RAC1: variants seen among roughly 807,000 people sequenced by gnomAD.
RAC1 encodes Rac family small GTPase 1, also known as ras-related C3 botulinum toxin substrate 1.
Under a neutral mutation model 25.2 loss-of-function variants are expected in RAC1, and 2 were observed. That is an observed-to-expected ratio of 0.08 (90% CI 0.03 to 0.25). The LOEUF is 0.25. Among genes scored for constraint, RAC1 ranks in the 10% least tolerant of loss-of-function variants. The pLI is 1.00. For synonymous variants in RAC1, 88 were observed against 94.0 expected (o/e 0.94, Z 0.37); for missense variants, 50 against 235.7 (o/e 0.21, Z 5.16).
At chr7:6,377,603 A>G (rs1394229275) in intron 1 of RAC1, among the ~76,000 whole-genome samples, 1 of 151,866 alleles carries the variant, frequency 6.6e-6, no homozygotes, top group African/African-American at 2.4e-5. Context: ...TCAAAAAAGC[A>G]AAAACAAAAA....
At position 6,403,402 on chromosome 7, in the gene RAC1, A is replaced by C. The variant is rs1321505488; in HGVS notation, c.*956A>C. 1.4e-5 allele frequency: 3 copies of C among 213,202 alleles called. No individual in the cohort carries two copies. The highest frequency in any genetic ancestry group is 2.3e-5 in the African/African-American group (1 of 44,162). The allele number at this position is 213,202 out of a possible 1,614,324, so 13.2% of individuals were successfully genotyped here. On this transcript the variant is annotated 3_prime_UTR_variant, in exon 6 of 6. Coordinates refer to ENST00000348035, the MANE Select transcript of RAC1 (RefSeq NM_006908.5). Reference sequence around the variant, plus strand: ...TGTTCTGTTAGTCGCTAACTTAGTAAGTGCTTTTCTTATAGAACCCCTTCT... The same window carrying C: ...TGTTCTGTTAGTCGCTAACTTAGTACGTGCTTTTCTTATAGAACCCCTTCT...
At chr7:6,388,851 G>C (rs1783000155) in intron 2 of RAC1, among the ~76,000 whole-genome samples, 1 of 152,126 alleles carries the variant, frequency 6.6e-6, no homozygotes, top group East Asian at 1.9e-4. Flanking sequence ...GTGTACACTT[G>C]ATAGATTATT....
intron 2 of RAC1, 103 bp downstream of exon 2, chr7:6,387,386 G>T: frequency 1.2e-6 from 1 of 812,286 alleles, no homozygotes; most frequent in Non-Finnish European, 2.0e-6. Context: ...CATATGAACA[G>T]ATACTAATTT....
intron 2 of RAC1, among the ~76,000 whole-genome samples, chr7:6,388,521 C>T (rs1257268833): frequency 2.0e-5 from 3 of 151,492 alleles, no homozygotes; most frequent in Admixed American, 6.6e-5. Flanking sequence ...ATTTTTGTTT[C>T]TTTAGTAGAG....
chr7:6,377,769 G>T (rs1480954166), intron 1 of RAC1, among the ~76,000 whole-genome samples: 1 of 152,060 alleles, frequency 6.6e-6, no homozygotes, highest in Non-Finnish European at 1.5e-5. Context: ...AGAAAAATTA[G>T]CTGGGCACGC....
At chr7:6,390,632 C>T (rs1783067357) in intron 2 of RAC1, among the ~76,000 whole-genome samples, 1 of 150,142 alleles carries the variant, frequency 6.7e-6, no homozygotes, top group South Asian at 2.1e-4. Flanking sequence ...ATAATACCAC[C>T]TCTCCCTCAG....
chr7:6,386,192 G>A (rs562171362), intron 1 of RAC1, among the ~76,000 whole-genome samples: 3 of 152,152 alleles, frequency 2.0e-5, no homozygotes, highest in Non-Finnish European at 2.9e-5. Flanking sequence ...AACTCCCATC[G>A]TCTCTGAGCT....
intron 3 of RAC1, among the ~76,000 whole-genome samples, chr7:6,399,513 G>A (rs1783339493): frequency 6.6e-6 from 1 of 152,238 alleles, no homozygotes; most frequent in African/African-American, 2.4e-5. Flanking sequence ...CACCCTTTGC[G>A]CCTCTGCGTC....
chr7:6,402,174 C>A, intron 5 of RAC1, 142 bp from the exon 6 acceptor site: 1 of 1,450,804 alleles, frequency 6.9e-7, no homozygotes, highest in Non-Finnish European at 9.3e-7. Flanking sequence ...CCCTGTGGGT[C>A]TTAACGTCAG....
At position 6,403,820 on chromosome 7, in the gene RAC1, G is replaced by A. The variant is rs1026221013; in HGVS notation, c.*1374G>A. The A allele has an allele frequency of 2.3e-5, 5 of 219,360 alleles. No homozygotes were observed. The highest frequency in any genetic ancestry group is 3.7e-5 in the Non-Finnish European group (4 of 109,084). 13.6% of individuals were successfully genotyped at this position (219,360 alleles called of 1,614,324 possible). A position where few individuals can be genotyped will look rare whatever the true frequency, so the allele number is the denominator to read the frequency against. Reference sequence around the variant, plus strand: ...GTTCTGTACAACTTAACTCACTGGCGAGAATACAGCGTGGGACCCTTCAGC... The same window carrying A: ...GTTCTGTACAACTTAACTCACTGGCAAGAATACAGCGTGGGACCCTTCAGC... On this transcript the variant is annotated 3_prime_UTR_variant, in exon 6 of 6. Coordinates refer to ENST00000348035, the MANE Select transcript of RAC1 (RefSeq NM_006908.5).
intron 1 of RAC1, among the ~76,000 whole-genome samples, chr7:6,376,939 T>C (rs772716468): frequency 5.3e-5 from 8 of 152,034 alleles, no homozygotes; most frequent in Non-Finnish European, 7.4e-5. Flanking sequence ...ACTTGTTGAA[T>C]GTCATGGAAT....
intron 1 of RAC1, among the ~76,000 whole-genome samples, chr7:6,384,786 C>G (rs1782876000): frequency 6.6e-6 from 1 of 151,934 alleles, no homozygotes; most frequent in Admixed American, 6.6e-5. Context: ...CTGCACCAGG[C>G]TTTTATTTTT....
intron 1 of RAC1, 60 bp from the exon 2 acceptor site, chr7:6,387,152 T>C (rs1263230024): frequency 3.8e-6 from 4 of 1,048,978 alleles, no homozygotes; most frequent in Non-Finnish European, 5.7e-6. Flanking sequence ...TTTAACTTAA[T>C]AGTGAAAGCT....
At chr7:6,393,210 G>A (rs940432985) in intron 3 of RAC1, among the ~76,000 whole-genome samples, 3 of 152,210 alleles carry the variant, frequency 2.0e-5, no homozygotes, top group Non-Finnish European at 4.4e-5. Context: ...TAATATGGGT[G>A]AAATAACTTA....
chr7:6,376,585 T>G (rs1453382850), intron 1 of RAC1, among the ~76,000 whole-genome samples: 1 of 146,030 alleles, frequency 6.8e-6, no homozygotes, highest in East Asian at 2.1e-4. Flanking sequence ...TCCTGCAACC[T>G]CTGCCTCCCG....
intron 1 of RAC1, among the ~76,000 whole-genome samples, chr7:6,381,312 C>T (rs1782757936): frequency 6.6e-6 from 1 of 151,702 alleles, no homozygotes; most frequent in African/African-American, 2.4e-5. Context: ...CTCAGTTGTA[C>T]ATAGTGTCTT....
At chr7:6,386,505 G>C (rs1361709447) in intron 1 of RAC1, among the ~76,000 whole-genome samples, 2 of 152,070 alleles carry the variant, frequency 1.3e-5, no homozygotes, top group African/African-American at 4.8e-5. Flanking sequence ...CTTTAGGCTG[G>C]GTGTGGTGGC....
At chr7:6,376,739 T>TG (rs1782614815) in intron 1 of RAC1, among the ~76,000 whole-genome samples, 2 of 136,582 alleles carry the variant, frequency 1.5e-5, no homozygotes, top group South Asian at 4.5e-4. Context: ...GAGGCTGGTC[T>TG]CAAACTCCTG....
At chr7:6,377,561 C>T (rs1562460291) in intron 1 of RAC1, among the ~76,000 whole-genome samples, 1 of 152,134 alleles carries the variant, frequency 6.6e-6, no homozygotes, top group Non-Finnish European at 1.5e-5. Context: ...TGCCATTGCA[C>T]TCCAGCCCGT....
Sources: gnomAD v4.1 joint callset for allele counts (sites outside exome capture counted in the v4.1 genomes callset) on GRCh38, gnomAD v4.1.1 for gene constraint, MANE v1.5 for transcripts, NCBI Gene and HGNC (gene_info 2026-07-23, HGNC 2026-07-21) for gene names.